Variants in ASH1L observed in about 807,000 individuals in gnomAD.
ASH1L encodes ASH1 like histone lysine methyltransferase, also known as histone-lysine N-methyltransferase ASH1L.
Under a neutral mutation model 269.0 loss-of-function variants are expected in ASH1L, and 23 were observed. That is an observed-to-expected ratio of 0.09 (90% CI 0.06 to 0.12). The LOEUF (loss-of-function observed/expected upper bound fraction) is 0.12, where lower values mean the gene tolerates loss of function less well. ASH1L is among the 10% of genes least tolerant of loss of function. ASH1L has a pLI of 1.00. For missense variants in ASH1L, 2,912 were observed against 3,567.8 expected, an observed-to-expected ratio of 0.82 and a Z score of 4.68; for synonymous variants, 1,187 against 1,253.5, an observed-to-expected ratio of 0.95 and a Z score of 1.12.
rs552211811 is a variant in ASH1L at position 155,443,484 on chromosome 1, T to C, written c.5087-4416A>G. ...TAAAATTCAATGCATGTTTTTTATA[T>C]ATACATTTTTGAGTTTTGAAAAATT... On this transcript the variant is annotated intron_variant, in intron 4 of 27. Transcript: ENST00000392403. Among the ~76,000 whole-genome samples the C allele has an allele frequency of 3.3e-3, 502 of 152,344 alleles. 3 individuals carry two copies. Among genetic ancestry groups the C allele is most frequent in the African/African-American group, 0.012 (482 of 41,578 alleles).
intron 3 of ASH1L, among the ~76,000 whole-genome samples, chr1:155,463,316 T>A (rs951636092): frequency 5.3e-5 from 8 of 152,144 alleles, no homozygotes; most frequent in Non-Finnish European, 1.0e-4. Flanking sequence ...CTGCTACAAA[T>A]TAAACTAGAG....
At chr1:155,365,534 C>A (rs953078683) in intron 12 of ASH1L, among the ~76,000 whole-genome samples, 2 of 151,910 alleles carry the variant, frequency 1.3e-5, no homozygotes, top group African/African-American at 4.8e-5. Flanking sequence ...ATTGACAGTT[C>A]TTAACAATTG....
chr1:155,352,297 CA>C (rs1281473342), intron 17 of ASH1L, among the ~76,000 whole-genome samples: 1,597 of 28,180 alleles, frequency 0.057, 5 homozygotes, highest in African/African-American at 0.17. Flanking sequence ...ACCTCCATCT[CA>C]AAAAAAAAAA....
rs373247653 is a variant in ASH1L at position 155,466,356 on chromosome 1, A to AAAAAC, written c.4985-6463_4985-6459dup. Among the ~76,000 whole-genome samples the AAAAAC allele has an allele frequency of 1.2e-3, 189 of 152,150 alleles. 2 individuals carry two copies. Among genetic ancestry groups the AAAAAC allele is most frequent in the African/African-American group, 3.2e-3 (131 of 41,448 alleles). On this transcript the variant is annotated intron_variant, in intron 3 of 27. Coordinates refer to ENST00000392403, the MANE Select transcript of ASH1L (RefSeq NM_018489.3). Reference sequence around the variant, plus strand: ...GCGACAGAGTGAGACCCCGTCTCAAAAAAACAAAACAAAACAAAACAAAAC... The same window carrying AAAAAC: ...GCGACAGAGTGAGACCCCGTCTCAAAAAAACAAAACAAAACAAAACAAAACAAAAC...
At chr1:155,490,748 A>C (rs954696245) in intron 2 of ASH1L, among the ~76,000 whole-genome samples, 43 of 151,886 alleles carry the variant, frequency 2.8e-4, no homozygotes, top group Admixed American at 2.8e-3. Flanking sequence ...CTTGAACCTA[A>C]GAGTTTGAGA....
intron 6 of ASH1L, among the ~76,000 whole-genome samples, chr1:155,413,223 T>A (rs1571144762): frequency 6.6e-6 from 1 of 152,302 alleles, no homozygotes; most frequent in East Asian, 1.9e-4. Context: ...TGACCATTAT[T>A]TCCGCAACCT....
chr1:155,341,845 C>G, intron 25 of ASH1L, 91 bp downstream of exon 25: 3 of 1,355,342 alleles, frequency 2.2e-6, no homozygotes, highest in Non-Finnish European at 3.1e-6. Flanking sequence ...GATGAAGAAG[C>G]AGAGAACTAC....
chr1:155,408,478 C>T (rs1659496241), intron 6 of ASH1L, among the ~76,000 whole-genome samples: 1 of 152,042 alleles, frequency 6.6e-6, no homozygotes, highest in African/African-American at 2.4e-5. Context: ...ACCAAAGCTC[C>T]TTGAGGGAAA....
At chr1:155,511,671 A>G (rs1264577742) in intron 2 of ASH1L, among the ~76,000 whole-genome samples, 1 of 151,970 alleles carries the variant, frequency 6.6e-6, no homozygotes, top group Non-Finnish European at 1.5e-5. Context: ...ACACCCAGCT[A>G]ATTTCTGTAT....
rs398053426 is a variant in ASH1L, at chr1:155,461,802, G to GTT, written c.4985-1906_4985-1905dup. Among the ~76,000 whole-genome samples the GTT allele has an allele frequency of 5.9e-3, 754 of 126,970 alleles. 3 individuals carry two copies. Among genetic ancestry groups the GTT allele is most frequent in the East Asian group, 0.028 (117 of 4,232 alleles). The allele number at this position is 126,970 out of a possible 152,430, so 83.3% of individuals were successfully genotyped here. A position where few individuals can be genotyped will look rare whatever the true frequency, so the allele number is the denominator to read the frequency against. ...GTACTAAGAAAAGAGGGGTTTGAGG[G>GTT]TTTTTTTTTTTTTTTTTTGGGAGAC... On this transcript the variant is annotated intron_variant, in intron 3 of 27. Coordinates refer to ENST00000392403, the MANE Select transcript of ASH1L (RefSeq NM_018489.3).
At chr1:155,542,421 C>T (rs537780240) in intron 1 of ASH1L, among the ~76,000 whole-genome samples, 16 of 151,792 alleles carry the variant, frequency 1.1e-4, no homozygotes, top group Middle Eastern at 3.4e-3. Flanking sequence ...TGGTGGTGGG[C>T]GCCTGTAGTC....
At chr1:155,489,080 A>C (rs946870663) in intron 2 of ASH1L, among the ~76,000 whole-genome samples, 1 of 152,180 alleles carries the variant, frequency 6.6e-6, no homozygotes. Flanking sequence ...TTATGTGTAA[A>C]TAAGAGTTAG....
At chr1:155,421,222 CTG>C (rs1660646016) in intron 5 of ASH1L, among the ~76,000 whole-genome samples, 1 of 106,602 alleles carries the variant, frequency 9.4e-6, no homozygotes, top group African/African-American at 3.7e-5. Flanking sequence ...GAGGAAGATT[CTG>C]TGTCTTAAAA....
chr1:155,550,745 T>C (rs1204899804), intron 1 of ASH1L, among the ~76,000 whole-genome samples: 1 of 152,224 alleles, frequency 6.6e-6, no homozygotes, highest in Non-Finnish European at 1.5e-5. Flanking sequence ...ATATTGTCTA[T>C]CTTACTCAAA....
At chr1:155,356,411 G>A (rs1427582606) in intron 15 of ASH1L, among the ~76,000 whole-genome samples, 1 of 151,832 alleles carries the variant, frequency 6.6e-6, no homozygotes, top group Non-Finnish European at 1.5e-5. Flanking sequence ...GAGGCAGGTG[G>A]ATCACAAGGT....
At chr1:155,552,950 TATC>T (rs770098197) in intron 1 of ASH1L, among the ~76,000 whole-genome samples, 15 of 152,188 alleles carry the variant, frequency 9.9e-5, no homozygotes, top group Non-Finnish European at 1.9e-4. Flanking sequence ...ACATTATACA[TATC>T]ATCTCGTAGA....
chr1:155,360,430 G>A (rs377552378), intron 12 of ASH1L, 21 bp from the exon 13 acceptor site: 5 of 1,469,398 alleles, frequency 3.4e-6, no homozygotes, highest in Non-Finnish European at 4.7e-6. Context: ...AGAAAACAGA[G>A]TTATAAAGGC....
chr1:155,429,167 C>A (rs980539939), intron 5 of ASH1L, among the ~76,000 whole-genome samples: 2 of 152,162 alleles, frequency 1.3e-5, no homozygotes, highest in Admixed American at 6.6e-5. Flanking sequence ...TGAAACAACA[C>A]ATTAAAACTA....
At chr1:155,547,805 T>G (rs1422137124) in intron 1 of ASH1L, among the ~76,000 whole-genome samples, 1 of 151,590 alleles carries the variant, frequency 6.6e-6, no homozygotes, top group Non-Finnish European at 1.5e-5. Flanking sequence ...ACCCCGCCTC[T>G]ACTAAAAATA....
Sources: allele counts gnomAD v4.1 joint callset (sites outside exome capture counted in the v4.1 genomes callset), GRCh38; gene constraint gnomAD v4.1.1; transcripts MANE v1.5; gene names NCBI Gene and HGNC (gene_info 2026-07-23, HGNC 2026-07-21).